The following PRR5L variants were observed in gnomAD, a reference collection of about 807,000 sequenced individuals.
The protein encoded by PRR5L is proline rich 5 like.
Under a neutral mutation model 36.4 loss-of-function variants are expected in PRR5L, and 21 were observed. The ratio of observed to expected loss-of-function variants is 0.58; its 90% CI spans 0.41 to 0.83. The LOEUF is 0.83. Among genes scored for constraint, PRR5L ranks in the 40% least tolerant of loss-of-function variants. PRR5L has a pLI of 0.00. For missense variants in PRR5L, 381 were observed against 473.3 expected, an observed-to-expected ratio of 0.80 and a Z score of 1.81; for synonymous variants, 188 against 197.0, an observed-to-expected ratio of 0.95 and a Z score of 0.38.
chr11:36,400,474 A>C (rs997930955), intron 1 of PRR5L, among the ~76,000 whole-genome samples: 3 of 152,160 alleles, frequency 2.0e-5, no homozygotes, highest in Non-Finnish European at 2.9e-5. Context: ...GTCCTGATGA[A>C]ATGAGTGAAG....
rs565737685 is a variant in PRR5L, at chr11:36,314,284, G to T, written c.-126+17846G>T. Among the ~76,000 whole-genome samples, 705 of 152,234 alleles carry T rather than the reference G, an allele frequency of 4.6e-3. 2 individuals carry two copies. The highest frequency in any genetic ancestry group is 0.013 in the South Asian group (62 of 4,826). ...GATGGGAGGACAGCTGGTCCCTTGG[G>T]CTTGGGCTCCTGTACCCACATGAGC... On this transcript the variant is annotated intron_variant, in intron 1 of 8. Coordinates refer to ENST00000530639, the MANE Select transcript of PRR5L (RefSeq NM_001160167.2).
rs1454352114 is a variant in PRR5L at position 36,330,855 on chromosome 11, G to A, written c.-126+34417G>A. Among the ~76,000 whole-genome samples the A allele has an allele frequency of 5.3e-5, 8 of 151,332 alleles. No homozygotes were observed. In the East Asian group the frequency reaches 1.2e-3, roughly 22 times the overall value. ...GAGTTTCACTCTTGTTGTGTAGGCC[G>A]GTGTTAGAGGTGTGATCTCGGCTCA... On this transcript the variant is annotated intron_variant, in intron 1 of 8. Transcript: ENST00000530639.
At position 36,307,558 on chromosome 11, in the gene PRR5L, A is replaced by G. The variant is rs530007893; in HGVS notation, c.-126+11120A>G. On this transcript the variant is annotated intron_variant, in intron 1 of 8. Coordinates refer to ENST00000530639, the MANE Select transcript of PRR5L (RefSeq NM_001160167.2). ...CCTCAGGCAGAAATAGGGCACTAGC[A>G]ATGACATCTAGAATAGCAGAAGGCC... 1.2e-3 allele frequency among the ~76,000 whole-genome samples: 180 copies of G among 152,272 alleles called. 1 individual carries two copies. The highest frequency in any genetic ancestry group is 6.8e-3 in the Middle Eastern group (2 of 294).
intron 6 of PRR5L, among the ~76,000 whole-genome samples, chr11:36,439,213 C>G (rs1194599244): frequency 6.6e-6 from 1 of 151,980 alleles, no homozygotes; most frequent in Non-Finnish European, 1.5e-5. Flanking sequence ...TCGAGGGGCC[C>G]TGGGTCTCTC....
intron 8 of PRR5L, among the ~76,000 whole-genome samples, chr11:36,458,924 T>C (rs1186054374): frequency 6.6e-6 from 1 of 152,204 alleles, no homozygotes; most frequent in East Asian, 1.9e-4. Context: ...TCTTGGGTCT[T>C]CAGGGTGTCA....
At position 36,429,505 on chromosome 11, in the gene PRR5L, CT is replaced by C. The variant is rs370076227; in HGVS notation, c.295-2347del. ...ATTTCTGTCCATGCCTCAGTTCCCC[CT>C]ATCCTCCCCCCATGTAGATAATTAT... On this transcript the variant is annotated intron_variant, in intron 4 of 8. Coordinates refer to ENST00000530639, the MANE Select transcript of PRR5L (RefSeq NM_001160167.2). Among the ~76,000 whole-genome samples the C allele has an allele frequency of 1.1e-4, 17 of 152,158 alleles. 1 individual carries two copies. The East Asian group carries it at 2.1e-3, about 19-fold the overall frequency.
At chr11:36,428,404 A>G (rs1408722435) in intron 4 of PRR5L, among the ~76,000 whole-genome samples, 1 of 152,240 alleles carries the variant, frequency 6.6e-6, no homozygotes. Context: ...TAAGAATGCA[A>G]GACCCTTTGG....
chr11:36,368,637 C>T (rs556807555), intron 1 of PRR5L, among the ~76,000 whole-genome samples: 25 of 152,222 alleles, frequency 1.6e-4, no homozygotes, highest in African/African-American at 3.1e-4. Context: ...CCAGAGTCTA[C>T]GTAATGTATG....
chr11:36,343,749 C>T (rs185700140), intron 1 of PRR5L, among the ~76,000 whole-genome samples: 24 of 152,182 alleles, frequency 1.6e-4, no homozygotes, highest in South Asian at 4.2e-4. Flanking sequence ...GCAATGACGC[C>T]GTGATGTAAA....
At chr11:36,349,098 A>G (rs1416754860) in intron 1 of PRR5L, among the ~76,000 whole-genome samples, 1 of 152,090 alleles carries the variant, frequency 6.6e-6, no homozygotes, top group African/African-American at 2.4e-5. Context: ...CAGTGTGGCC[A>G]ACGTGGTGAA....
rs543902869 is a variant in PRR5L at position 36,308,707 on chromosome 11, T to G, written c.-126+12269T>G. 2.6e-5 allele frequency among the ~76,000 whole-genome samples: 4 copies of G among 152,336 alleles called. No homozygotes were observed. The South Asian group carries it at 8.3e-4, about 32-fold the overall frequency. On this transcript the variant is annotated intron_variant, in intron 1 of 8. Coordinates refer to ENST00000530639, the MANE Select transcript of PRR5L (RefSeq NM_001160167.2). ...CTTCCACCTTGGGACACAGTACACT[T>G]CCTGAGTCACTGACTCTGGGCTTGG...
intron 1 of PRR5L, among the ~76,000 whole-genome samples, chr11:36,322,996 C>T (rs1199467167): frequency 1.3e-5 from 2 of 152,150 alleles, no homozygotes; most frequent in African/African-American, 4.8e-5. Context: ...AAGGCATGAA[C>T]TAGATTCTTC....
At chr11:36,385,039 T>A (rs1315619600) in intron 1 of PRR5L, among the ~76,000 whole-genome samples, 1 of 152,238 alleles carries the variant, frequency 6.6e-6, no homozygotes, top group Non-Finnish European at 1.5e-5. Context: ...GCTAATTTTT[T>A]AAAGTAAGTT....
chr11:36,376,648 G>T, intron 1 of PRR5L: 1 of 995,366 alleles, frequency 1.0e-6, no homozygotes, highest in Non-Finnish European at 1.2e-6. Flanking sequence ...GTCTGGGGCG[G>T]AGGCGAGCGG....
At chr11:36,383,948 G>A (rs1373595726) in intron 1 of PRR5L, among the ~76,000 whole-genome samples, 2 of 151,882 alleles carry the variant, frequency 1.3e-5, no homozygotes, top group African/African-American at 2.4e-5. Context: ...TGCCCGCCTC[G>A]GCCTCCCCTG....
Position 36,419,881 on chromosome 11 carries a change from C to T in PRR5L, c.294+578C>T, listed in dbSNP as rs979560554. 6.6e-5 allele frequency among the ~76,000 whole-genome samples: 10 copies of T among 152,128 alleles called. No individual in the cohort carries two copies. In the South Asian group the frequency reaches 1.0e-3, roughly 16 times the overall value. ...GTATTACCGAGAAAATAGTTTTGACCATGGGGATCCCTTGAAAGAGTTTGG... is the reference window on the plus strand; with the variant it reads ...GTATTACCGAGAAAATAGTTTTGACTATGGGGATCCCTTGAAAGAGTTTGG... On this transcript the variant is annotated intron_variant, in intron 4 of 8. Transcript: ENST00000530639.
intron 3 of PRR5L, 107 bp from the exon 4 acceptor site, chr11:36,419,148 A>C: frequency 1.0e-6 from 1 of 960,190 alleles, no homozygotes; most frequent in African/African-American, 1.6e-5. Flanking sequence ...AAGTGCCCTC[A>C]AGATCTCAGA....
chr11:36,350,976 ATATT>A (rs1328766095), intron 1 of PRR5L, among the ~76,000 whole-genome samples: 68 of 69,418 alleles, frequency 9.8e-4, no homozygotes, highest in Admixed American at 1.9e-3. Flanking sequence ...ATATTTATAT[ATATT>A]TATATATTTA....
intron 1 of PRR5L, among the ~76,000 whole-genome samples, chr11:36,303,683 G>T (rs1590423006): frequency 1.3e-5 from 2 of 152,226 alleles, no homozygotes; most frequent in East Asian, 3.8e-4. Context: ...AGCCTTGAGT[G>T]ATGTGACGTA....
Sources: gnomAD v4.1 joint callset for allele counts (sites outside exome capture counted in the v4.1 genomes callset) on GRCh38, gnomAD v4.1.1 for gene constraint, MANE v1.5 for transcripts, NCBI Gene and HGNC (gene_info 2026-07-23, HGNC 2026-07-21) for gene names.